COX14: variants seen among roughly 807,000 people sequenced by gnomAD.
The protein encoded by COX14 is cytochrome c oxidase assembly factor COX14.
In COX14, 3 loss-of-function variants were observed where a neutral mutation model predicts 5.8. The ratio of observed to expected loss-of-function variants is 0.51; its 90% confidence interval spans 0.23 to 1.33. The LOEUF (loss-of-function observed/expected upper bound fraction) is 1.33. COX14 is among the 40% of genes most tolerant of loss of function. The pLI is 0.18. For synonymous variants in COX14, 25 were observed against 26.1 expected, an observed-to-expected ratio of 0.96 and a Z score of 0.13; for missense variants, 72 against 72.1, an observed-to-expected ratio of 1.00 and a Z score of 0.01.
intron 1 of COX14, chr12:50,118,499 T>G: frequency 6.8e-6 from 6 of 877,760 alleles, no homozygotes; most frequent in South Asian, 5.2e-5. Context: ...CCAGGCGCGG[T>G]GGCTCACGCC....
At chr12:50,112,456 T>C in intron 1 of COX14, 155 bp downstream of exon 1, 1 of 985,956 alleles carries the variant, frequency 1.0e-6, no homozygotes, top group African/African-American at 1.7e-5. Flanking sequence ...GACCGCGAGC[T>C]GCACTGCTTC....
chr12:50,115,307 C>T (rs1951071212), intron 1 of COX14, among the ~76,000 whole-genome samples: 1 of 150,438 alleles, frequency 6.6e-6, no homozygotes, highest in Non-Finnish European at 1.5e-5. Context: ...CTCCGCCTCC[C>T]GGGTTCATGC....
At chr12:50,116,515 C>A (rs567808088) in intron 1 of COX14, among the ~76,000 whole-genome samples, 1 of 152,322 alleles carries the variant, frequency 6.6e-6, no homozygotes. Context: ...ACTTTTCTAG[C>A]CAAGCTGTAC....
At chr12:50,114,314 A>G (rs922302875) in intron 1 of COX14, among the ~76,000 whole-genome samples, 1 of 147,428 alleles carries the variant, frequency 6.8e-6, no homozygotes, top group Admixed American at 6.9e-5. Flanking sequence ...CAGTGGCGCG[A>G]TCTCAGCTCA....
At chr12:50,118,707 C>T (rs1466930145) in intron 1 of COX14, among the ~76,000 whole-genome samples, 1 of 152,156 alleles carries the variant, frequency 6.6e-6, no homozygotes, top group Admixed American at 6.5e-5. Flanking sequence ...GTGGAGGTTG[C>T]AGTGAGCCGA....
At chr12:50,114,853 C>T (rs1343148051) in intron 1 of COX14, among the ~76,000 whole-genome samples, 1 of 145,344 alleles carries the variant, frequency 6.9e-6, no homozygotes, top group Admixed American at 7.0e-5. Context: ...CTGCAACTTC[C>T]GCCTCCTGGG....
chr12:50,115,789 G>A (rs1951075962), intron 1 of COX14, among the ~76,000 whole-genome samples: 1 of 151,724 alleles, frequency 6.6e-6, no homozygotes, highest in South Asian at 2.1e-4. Flanking sequence ...TGGGCTCAAC[G>A]ATCCGTCTGT....
chr12:50,118,049 CTT>C (rs71676031), intron 1 of COX14, among the ~76,000 whole-genome samples: 89 of 143,940 alleles, frequency 6.2e-4, no homozygotes, highest in Admixed American at 6.9e-4. Context: ...GGCACCCCCC[CTT>C]TTTTTTTTTT....
chr12:50,115,199 G>A (rs1951069898), intron 1 of COX14, among the ~76,000 whole-genome samples: 1 of 150,786 alleles, frequency 6.6e-6, no homozygotes, highest in Non-Finnish European at 1.5e-5. Flanking sequence ...GAGCCACCAT[G>A]CCTGGCTGAG....
chr12:50,114,230 A>AC (rs1565751434), intron 1 of COX14, among the ~76,000 whole-genome samples: 1 of 151,194 alleles, frequency 6.6e-6, no homozygotes, highest in Non-Finnish European at 1.5e-5. Context: ...AAAAAAAAAA[A>AC]AAAAAAAACA....
intron 1 of COX14, chr12:50,118,354 G>C (rs1483407267): frequency 8.1e-6 from 7 of 862,214 alleles, no homozygotes; most frequent in Non-Finnish European, 9.7e-6. Flanking sequence ...GTCCCACCTT[G>C]GCATTCTGAA....
In COX14 at chr12:50,112,439, C is replaced by A. The variant is rs1951033815; in HGVS notation, c.-9+138C>A. On this transcript the variant is annotated intron_variant, in intron 1 of 1. Transcript: ENST00000550487. ...CCCTTGAATTCACCCGCTTCTGTTG[C>A]GTTGCGGACCGCGAGCTGCACTGCT... is the stretch of plus-strand genomic sequence containing the variant. 3 of 985,926 alleles carry A rather than the reference C, an allele frequency of 3.0e-6. No homozygotes were observed. The South Asian group carries it at 1.4e-4, about 46-fold the overall frequency. 61.1% of individuals were successfully genotyped at this position (985,926 alleles called of 1,614,324 possible). A position where few individuals can be genotyped will look rare whatever the true frequency, so the allele number is the denominator to read the frequency against.
At chr12:50,115,376 G>A (rs1024551205) in intron 1 of COX14, among the ~76,000 whole-genome samples, 14 of 150,198 alleles carry the variant, frequency 9.3e-5, no homozygotes, top group South Asian at 2.1e-4. Flanking sequence ...CACCATGCCC[G>A]GCTAATTTTT....
intron 1 of COX14, among the ~76,000 whole-genome samples, chr12:50,115,708 C>T (rs868068823): frequency 2.0e-5 from 3 of 151,928 alleles, no homozygotes; most frequent in East Asian, 1.9e-4. Context: ...CATGCCACTA[C>T]GCCCCACTAA....
At chr12:50,116,237 C>T (rs1241261560) in intron 1 of COX14, among the ~76,000 whole-genome samples, 5 of 152,044 alleles carry the variant, frequency 3.3e-5, no homozygotes, top group Non-Finnish European at 5.9e-5. Flanking sequence ...GGGCTACAGG[C>T]ATCCGCCACC....
At chr12:50,116,860 A>C (rs886516886) in intron 1 of COX14, among the ~76,000 whole-genome samples, 1 of 152,156 alleles carries the variant, frequency 6.6e-6, no homozygotes, top group African/African-American at 2.4e-5. Flanking sequence ...TTATATTTCA[A>C]AGAAGCTGTG....
At chr12:50,120,005 C>CAA in intron 1 of COX14, 31 bp from the exon 2 acceptor site, 3 of 1,585,446 alleles carry the variant, frequency 1.9e-6, no homozygotes, top group Non-Finnish European at 1.7e-6. Flanking sequence ...GAGGCCTTAT[C>CAA]CTCAGGTCTA....
intron 1 of COX14, among the ~76,000 whole-genome samples, chr12:50,117,965 G>A (rs868645335): frequency 6.6e-6 from 1 of 151,504 alleles, no homozygotes; most frequent in African/African-American, 2.4e-5. Flanking sequence ...GGATGGTCTC[G>A]ATCTCTTGAC....
intron 1 of COX14, among the ~76,000 whole-genome samples, chr12:50,117,810 T>C (rs963572743): frequency 4.0e-5 from 6 of 149,676 alleles, no homozygotes; most frequent in African/African-American, 1.5e-4. Flanking sequence ...AGTGGCACGA[T>C]CTCAGCTCAC....
Sources: gnomAD v4.1 joint callset for allele counts (sites outside exome capture counted in the v4.1 genomes callset) on GRCh38, gnomAD v4.1.1 for gene constraint, MANE v1.5 for transcripts, NCBI Gene and HGNC (gene_info 2026-07-23, HGNC 2026-07-21) for gene names.